The following KCND2 variants were observed in gnomAD, a reference collection of about 807,000 sequenced individuals.
The protein encoded by KCND2 is potassium voltage-gated channel subfamily D member 2, also known as A-type voltage-gated potassium channel KCND2.
KCND2 carries 16 observed loss-of-function variants against 54.4 expected under a neutral mutation model. That is an observed-to-expected ratio of 0.29 (90% CI 0.20 to 0.45). KCND2 has a LOEUF of 0.45. KCND2 is among the 20% of genes least tolerant of loss of function. KCND2 has a pLI of 1.00. For missense variants in KCND2, 486 were observed against 824.2 expected (o/e 0.59, Z 5.02); for synonymous variants, 317 against 310.7 (o/e 1.02, Z -0.21).
chr7:120,414,346 G>C (rs1404505229), intron 1 of KCND2, among the ~76,000 whole-genome samples: 9 of 152,068 alleles, frequency 5.9e-5, no homozygotes, highest in African/African-American at 2.2e-4. Context: ...TCAGTCAACT[G>C]TCAAAAAGTA....
intron 1 of KCND2, among the ~76,000 whole-genome samples, chr7:120,458,054 G>T (rs935367431): frequency 1.1e-4 from 17 of 152,120 alleles, no homozygotes; most frequent in Admixed American, 1.1e-3. Context: ...AAAACCATCA[G>T]ATCTCATGAG....
chr7:120,408,501 AG>A (rs1801396643), intron 1 of KCND2, among the ~76,000 whole-genome samples: 1 of 151,958 alleles, frequency 6.6e-6, no homozygotes, highest in African/African-American at 2.4e-5. Context: ...CATATACTCA[AG>A]ACAGGAGGAA....
intron 1 of KCND2, among the ~76,000 whole-genome samples, chr7:120,322,549 G>C (rs1342012524): frequency 1.3e-5 from 2 of 152,086 alleles, no homozygotes; most frequent in Non-Finnish European, 2.9e-5. Flanking sequence ...TGTAACTTAT[G>C]GTTGTGATTC....
In KCND2 at chr7:120,459,433, G is replaced by C. The variant is rs551933578; in HGVS notation, c.1115+183686G>C. Among the ~76,000 whole-genome samples, 75 of 152,248 alleles carry C rather than the reference G, an allele frequency of 4.9e-4. 1 individual carries two copies. Among genetic ancestry groups the C allele is most frequent in the African/African-American group, 1.7e-3 (71 of 41,554 alleles). On this transcript the variant is annotated intron_variant, in intron 1 of 5. Transcript: ENST00000331113. Reference sequence around the variant, plus strand: ...CACCCTATTTCAAATTTGAATGGCTGCCTCCGCCCACAACTTGACATTTGC... The same window carrying C: ...CACCCTATTTCAAATTTGAATGGCTCCCTCCGCCCACAACTTGACATTTGC...
intron 1 of KCND2, among the ~76,000 whole-genome samples, chr7:120,643,856 T>C (rs199917090): frequency 6.6e-6 from 1 of 151,310 alleles, no homozygotes; most frequent in East Asian, 1.9e-4. Context: ...ATATTCATTT[T>C]ATATATATGA....
At chr7:120,693,551 T>A (rs1792297726) in intron 1 of KCND2, among the ~76,000 whole-genome samples, 1 of 151,208 alleles carries the variant, frequency 6.6e-6, no homozygotes, top group African/African-American at 2.4e-5. Context: ...AAAGGAAGGA[T>A]AAAAAGAAAG....
chr7:120,501,788 G>T (rs180739697), intron 1 of KCND2, among the ~76,000 whole-genome samples: 6 of 151,764 alleles, frequency 4.0e-5, no homozygotes, highest in East Asian at 1.9e-4. Context: ...AATATATTTC[G>T]CACTGTATTC....
At chr7:120,309,065 A>C (rs2116309578) in intron 1 of KCND2, among the ~76,000 whole-genome samples, 1 of 152,266 alleles carries the variant, frequency 6.6e-6, no homozygotes, top group Non-Finnish European at 1.5e-5. Context: ...AGCCAAGAAG[A>C]CCTAAGTGCT....
At chr7:120,612,344 A>C (rs1271696231) in intron 1 of KCND2, among the ~76,000 whole-genome samples, 2 of 152,236 alleles carry the variant, frequency 1.3e-5, no homozygotes, top group African/African-American at 4.8e-5. Context: ...GTGTCTCCTC[A>C]CAACACTTTC....
intron 1 of KCND2, among the ~76,000 whole-genome samples, chr7:120,276,967 G>A (rs377619156): frequency 9.9e-5 from 15 of 152,074 alleles, no homozygotes; most frequent in African/African-American, 2.9e-4. Context: ...TATTCCCAAG[G>A]CTACTCTTTA....
chr7:120,528,358 T>C (rs964299863), intron 1 of KCND2, among the ~76,000 whole-genome samples: 4 of 152,128 alleles, frequency 2.6e-5, no homozygotes, highest in African/African-American at 9.7e-5. Flanking sequence ...TTTAAAGTGA[T>C]TTATTATTTA....
At chr7:120,278,707 A>G (rs948301491) in intron 1 of KCND2, among the ~76,000 whole-genome samples, 5 of 151,860 alleles carry the variant, frequency 3.3e-5, no homozygotes, top group Admixed American at 6.6e-5. Flanking sequence ...AATATCAAAT[A>G]TATCAGTAGA....
chr7:120,620,883 C>G (rs1203693284), intron 1 of KCND2, among the ~76,000 whole-genome samples: 1 of 152,108 alleles, frequency 6.6e-6, no homozygotes, highest in Non-Finnish European at 1.5e-5. Context: ...TGCACCCAAA[C>G]TTAGAAAATA....
In KCND2 at chr7:120,661,640, A is replaced by G. The variant is rs530399401; in HGVS notation, c.1116-71263A>G. Reference sequence around the variant, plus strand: ...ACTCCAGCCTGGGTGACAGAGCTAGACTTCTTCTCAAAAAAAAAAAAGAAA... The same window carrying G: ...ACTCCAGCCTGGGTGACAGAGCTAGGCTTCTTCTCAAAAAAAAAAAAGAAA... On this transcript the variant is annotated intron_variant, in intron 1 of 5. Coordinates refer to ENST00000331113, the MANE Select transcript of KCND2 (RefSeq NM_012281.3). Among the ~76,000 whole-genome samples the G allele has an allele frequency of 4.2e-4, 61 of 143,758 alleles. No individual in the cohort carries two copies. The South Asian group carries it at 0.012, about 29-fold the overall frequency. The allele number at this position is 143,758 out of a possible 152,430, so 94.3% of individuals were successfully genotyped here.
At chr7:120,679,069 A>G (rs1293245110) in intron 1 of KCND2, among the ~76,000 whole-genome samples, 1 of 151,898 alleles carries the variant, frequency 6.6e-6, no homozygotes, top group Non-Finnish European at 1.5e-5. Flanking sequence ...CCATATTTGG[A>G]TATATTTTCA....
intron 1 of KCND2, among the ~76,000 whole-genome samples, chr7:120,353,800 T>C (rs1348649170): frequency 6.6e-6 from 1 of 152,174 alleles, no homozygotes; most frequent in Non-Finnish European, 1.5e-5. Flanking sequence ...TTCATTCTAT[T>C]GATATTTGTA....
intron 1 of KCND2, among the ~76,000 whole-genome samples, chr7:120,575,026 T>C (rs2116432261): frequency 6.6e-6 from 1 of 152,220 alleles, no homozygotes; most frequent in Non-Finnish European, 1.5e-5. Context: ...CAACGACTCT[T>C]ATAGTGTGTA....
At chr7:120,422,606 C>A (rs541696486) in intron 1 of KCND2, among the ~76,000 whole-genome samples, 4 of 152,306 alleles carry the variant, frequency 2.6e-5, no homozygotes, top group Admixed American at 1.3e-4. Flanking sequence ...TCCTTTCCAT[C>A]CTGTTTTCTG....
intron 1 of KCND2, among the ~76,000 whole-genome samples, chr7:120,287,413 A>T (rs1264699182): frequency 6.6e-6 from 1 of 152,116 alleles, no homozygotes; most frequent in Non-Finnish European, 1.5e-5. Flanking sequence ...CACCTAAAGC[A>T]ATTTAAATAG....
Sources: allele counts gnomAD v4.1 joint callset (sites outside exome capture counted in the v4.1 genomes callset), GRCh38; gene constraint gnomAD v4.1.1; transcripts MANE v1.5; gene names NCBI Gene and HGNC (gene_info 2026-07-23, HGNC 2026-07-21).